The following KCNIP4 variants were observed in gnomAD, a reference collection of about 807,000 sequenced individuals.
The protein encoded by KCNIP4 is Kv channel-interacting protein 4.
KCNIP4 carries 12 observed loss-of-function variants against 34.0 expected under a neutral mutation model. The observed-to-expected ratio is 0.35, with a 90% CI of 0.23 to 0.57. The LOEUF (loss-of-function observed/expected upper bound fraction) is 0.57. Ranked by LOEUF, KCNIP4 falls within the 20% of genes least tolerant of loss-of-function variation. KCNIP4 has a pLI of 0.83. For synonymous variants in KCNIP4, 124 were observed against 102.2 expected (o/e 1.21, Z -1.29); for missense variants, 238 against 311.7 (o/e 0.76, Z 1.78).
At position 20,795,474 on chromosome 4, in the gene KCNIP4, C is replaced by T. The variant is rs139109605; in HGVS notation, c.289-36584G>A. ...CATAGTTTTCATTCTAATTTGTTTG[C>T]TGATTTCTTATCATTATTCTCAGTA... is the stretch of plus-strand genomic sequence containing the variant. On this transcript the variant is annotated intron_variant, in intron 3 of 8. Coordinates refer to ENST00000382152, the MANE Select transcript of KCNIP4 (RefSeq NM_025221.6). Among the ~76,000 whole-genome samples, 1,241 of 152,182 alleles carry T rather than the reference C, an allele frequency of 8.2e-3. 4 individuals carry two copies. The highest frequency in any genetic ancestry group is 0.014 in the Non-Finnish European group (942 of 67,980).
chr4:21,739,544 T>C (rs766065826), intron 1 of KCNIP4, among the ~76,000 whole-genome samples: 6 of 152,062 alleles, frequency 3.9e-5, no homozygotes, highest in Non-Finnish European at 8.8e-5. Flanking sequence ...TGAAAACTTA[T>C]ATTGAAAATT....
At chr4:21,142,278 T>C (rs1752024969) in intron 1 of KCNIP4, among the ~76,000 whole-genome samples, 1 of 152,086 alleles carries the variant, frequency 6.6e-6, no homozygotes, top group African/African-American at 2.4e-5. Context: ...TTCTGTATTA[T>C]TTGTTCGGTG....
At chr4:21,842,707 A>C (rs1486221094) in intron 1 of KCNIP4, among the ~76,000 whole-genome samples, 3 of 152,122 alleles carry the variant, frequency 2.0e-5, no homozygotes, top group Non-Finnish European at 4.4e-5. Context: ...AAGAAGTAAT[A>C]GTCTTCTAAA....
intron 1 of KCNIP4, among the ~76,000 whole-genome samples, chr4:21,431,585 T>G (rs776314989): frequency 6.6e-6 from 1 of 152,114 alleles, no homozygotes; most frequent in African/African-American, 2.4e-5. Flanking sequence ...GATTACATGC[T>G]ATGTATCCCA....
chr4:21,281,648 T>A (rs1762783080), intron 1 of KCNIP4, among the ~76,000 whole-genome samples: 1 of 152,208 alleles, frequency 6.6e-6, no homozygotes, highest in Non-Finnish European at 1.5e-5. Flanking sequence ...AGACCCTGAA[T>A]TTACACAACT....
At chr4:21,061,740 T>C (rs1362605709) in intron 1 of KCNIP4, among the ~76,000 whole-genome samples, 2 of 152,200 alleles carry the variant, frequency 1.3e-5, no homozygotes, top group African/African-American at 4.8e-5. Flanking sequence ...CCCTTGAAAT[T>C]TCTTATGTTG....
intron 3 of KCNIP4, among the ~76,000 whole-genome samples, chr4:20,772,595 A>G (rs1294956334): frequency 6.6e-6 from 1 of 151,554 alleles, no homozygotes; most frequent in Non-Finnish European, 1.5e-5. Flanking sequence ...CTCTAAATAC[A>G]TTTTATACAT....
In KCNIP4 at chr4:21,347,886, C is replaced by A. The variant is rs1028338534; in HGVS notation, c.62-465177G>T. 2.0e-5 allele frequency among the ~76,000 whole-genome samples: 3 copies of A among 152,140 alleles called. No homozygotes were observed. In the South Asian group the frequency reaches 6.2e-4, roughly 32 times the overall value. Reference sequence around the variant, plus strand: ...GCCATGAGAAATTAAGAAAAAAAATCTGCTTGTTCCATCTACATGATAGAA... The same window carrying A: ...GCCATGAGAAATTAAGAAAAAAAATATGCTTGTTCCATCTACATGATAGAA... On this transcript the variant is annotated intron_variant, in intron 1 of 8. Transcript: ENST00000382152.
At chr4:21,530,202 T>C (rs773810055) in intron 1 of KCNIP4, among the ~76,000 whole-genome samples, 2 of 152,196 alleles carry the variant, frequency 1.3e-5, no homozygotes, top group African/African-American at 4.8e-5. Flanking sequence ...CCGGATCAAA[T>C]GTGTTTCTCC....
chr4:21,699,555 A>T (rs572070953), intron 1 of KCNIP4, among the ~76,000 whole-genome samples: 8 of 152,282 alleles, frequency 5.3e-5, no homozygotes, highest in African/African-American at 1.9e-4. Context: ...TTTAAATTAC[A>T]AGAAGGAACT....
chr4:21,100,540 G>A (rs1026840498), intron 1 of KCNIP4, among the ~76,000 whole-genome samples: 4 of 152,112 alleles, frequency 2.6e-5, no homozygotes, highest in Non-Finnish European at 4.4e-5. Context: ...GTGACAGAGT[G>A]AGATGCTGTC....
intron 1 of KCNIP4, among the ~76,000 whole-genome samples, chr4:21,036,682 C>T (rs1560665876): frequency 6.6e-6 from 1 of 152,154 alleles, no homozygotes; most frequent in African/African-American, 2.4e-5. Flanking sequence ...GCCGAGATGG[C>T]ACCACTGCAC....
chr4:21,683,931 T>C lies in KCNIP4; in HGVS notation c.61+264640A>G, dbSNP rs112441054. Among the ~76,000 whole-genome samples, 315 of 152,054 alleles carry C rather than the reference T, an allele frequency of 2.1e-3. 1 individual carries two copies. The highest frequency in any genetic ancestry group is 7.0e-3 in the African/African-American group (291 of 41,488). ...CTAAGTGGGAGCTAAATGATAAGAA[T>C]TCATGAACACGAAGAGGGGAACAAC... On this transcript the variant is annotated intron_variant, in intron 1 of 8. Transcript: ENST00000382152.
chr4:21,933,385 C>T (rs1729682981), intron 1 of KCNIP4, among the ~76,000 whole-genome samples: 1 of 152,052 alleles, frequency 6.6e-6, no homozygotes, highest in Non-Finnish European at 1.5e-5. Flanking sequence ...GGAAGGACCT[C>T]CTCATTTCAC....
rs915999806 is a variant in KCNIP4, at chr4:21,291,291, A to T, written c.62-408582T>A. ...TAAATCTCATGGCTTATGTTCATGG[A>T]GTATGTGTATGTGTGTGGAGTGTGC... On this transcript the variant is annotated intron_variant, in intron 1 of 8. Coordinates refer to ENST00000382152, the MANE Select transcript of KCNIP4 (RefSeq NM_025221.6). Among the ~76,000 whole-genome samples the T allele has an allele frequency of 2.0e-5, 3 of 150,298 alleles. No homozygotes were observed. In the South Asian group the frequency reaches 6.5e-4, roughly 33 times the overall value.
Position 21,065,283 on chromosome 4 carries a change from C to T in KCNIP4, c.62-182574G>A, listed in dbSNP as rs182822029. On this transcript the variant is annotated intron_variant, in intron 1 of 8. Coordinates refer to ENST00000382152, the MANE Select transcript of KCNIP4 (RefSeq NM_025221.6). ...AAAGTGTTAAATCTAATTGAAGAGG[C>T]CACCATGAAAATGAGTATCTGGCAC... Among the ~76,000 whole-genome samples, 6 of 152,132 alleles carry T rather than the reference C, an allele frequency of 3.9e-5. No homozygotes were observed. In the East Asian group the frequency reaches 9.7e-4, roughly 25 times the overall value.
intron 1 of KCNIP4, among the ~76,000 whole-genome samples, chr4:21,839,262 T>C (rs1209939518): frequency 6.6e-6 from 1 of 152,154 alleles, no homozygotes. Flanking sequence ...TATATTCCAT[T>C]AGAAGTTGCA....
intron 1 of KCNIP4, among the ~76,000 whole-genome samples, chr4:21,720,364 G>A (rs1359830852): frequency 6.6e-6 from 1 of 152,008 alleles, no homozygotes; most frequent in African/African-American, 2.4e-5. Context: ...TGGAGCCTCA[G>A]AGCAAATAGA....
chr4:21,427,520 G>A (rs1235661660), intron 1 of KCNIP4, among the ~76,000 whole-genome samples: 1 of 152,094 alleles, frequency 6.6e-6, no homozygotes, highest in Non-Finnish European at 1.5e-5. Context: ...ACAGTAGTGA[G>A]AACTTCTAGG....
Sources: allele counts gnomAD v4.1 joint callset (sites outside exome capture counted in the v4.1 genomes callset), GRCh38; gene constraint gnomAD v4.1.1; transcripts MANE v1.5; gene names NCBI Gene and HGNC (gene_info 2026-07-23, HGNC 2026-07-21).